VEPH1: variants seen among roughly 807,000 people sequenced by gnomAD.
The protein encoded by VEPH1 is ventricular zone-expressed PH domain-containing protein homolog 1.
A neutral mutation model predicts 85.2 loss-of-function variants in VEPH1; 80 were observed. That is an observed-to-expected ratio of 0.94 (90% CI 0.78 to 1.13). The LOEUF (loss-of-function observed/expected upper bound fraction) is 1.13, where lower values mean the gene tolerates loss of function less well. Among genes scored for constraint, VEPH1 ranks in the 50% most tolerant of loss-of-function variants. VEPH1 has a pLI of 0.00. For synonymous variants in VEPH1, 297 were observed against 348.0 expected (o/e 0.85, Z 1.63); for missense variants, 955 against 980.5 (o/e 0.97, Z 0.35).
intron 7 of VEPH1, 43 bp downstream of exon 7, chr3:157,381,113 G>A: frequency 6.3e-7 from 1 of 1,599,794 alleles, no homozygotes; most frequent in Non-Finnish European, 8.6e-7. Flanking sequence ...TACCCCCACA[G>A]GTGCACAGCA....
At chr3:157,457,289 A>G (rs1422083792) in intron 4 of VEPH1, among the ~76,000 whole-genome samples, 1 of 152,182 alleles carries the variant, frequency 6.6e-6, no homozygotes, top group East Asian at 1.9e-4. Flanking sequence ...GGTTGAGACT[A>G]TGGCATTTTC....
intron 9 of VEPH1, among the ~76,000 whole-genome samples, chr3:157,342,287 T>C (rs367611024): frequency 6.6e-6 from 1 of 152,128 alleles, no homozygotes. Context: ...GCACATCTCA[T>C]GTGCAGAGAC....
At chr3:157,300,240 C>G (rs1413111873) in intron 11 of VEPH1, among the ~76,000 whole-genome samples, 3 of 152,138 alleles carry the variant, frequency 2.0e-5, no homozygotes, top group Non-Finnish European at 4.4e-5. Context: ...AAGAACCCAA[C>G]CACTATTAGA....
chr3:157,401,477 C>T (rs977509691), intron 6 of VEPH1, among the ~76,000 whole-genome samples: 1 of 152,042 alleles, frequency 6.6e-6, no homozygotes, highest in African/African-American at 2.4e-5. Context: ...ATTTTCAAAA[C>T]AAATAGCCAG....
intron 6 of VEPH1, among the ~76,000 whole-genome samples, chr3:157,401,594 A>G (rs1272964686): frequency 1.3e-5 from 2 of 152,158 alleles, no homozygotes; most frequent in African/African-American, 2.4e-5. Context: ...GGAAAAATGC[A>G]TTTTGCAAAA....
In VEPH1 at chr3:157,319,474, G is replaced by A. The variant is rs553721027; in HGVS notation, c.1736-2273C>T. Among the ~76,000 whole-genome samples the A allele has an allele frequency of 4.6e-5, 7 of 152,016 alleles. 1 individual carries two copies. The highest frequency in any genetic ancestry group is 2.1e-4 in the South Asian group (1 of 4,826). On this transcript the variant is annotated intron_variant, in intron 9 of 13. Transcript: ENST00000362010. ...TTTTTTTAAGTTGGCACATATGCTC[G>A]GAAAAATTGAATTTAATTTATGGTA... is the stretch of plus-strand genomic sequence containing the variant.
rs539412334 is a variant in VEPH1, at chr3:157,289,004, T to G, written c.2011-2330A>C. ...TGTTCAATGGAAAAAAAGACTTTTTTTTTAAAAAGTATGTTTTCCAAGATA... is the reference window on the plus strand; with the variant it reads ...TGTTCAATGGAAAAAAAGACTTTTTGTTTAAAAAGTATGTTTTCCAAGATA... On this transcript the variant is annotated intron_variant, in intron 11 of 13. Coordinates refer to ENST00000362010, the MANE Select transcript of VEPH1 (RefSeq NM_001167912.2). 3.2e-3 allele frequency among the ~76,000 whole-genome samples: 486 copies of G among 152,310 alleles called. 1 individual carries two copies. Among genetic ancestry groups the G allele is most frequent in the African/African-American group, 0.011 (451 of 41,568 alleles).
chr3:157,333,879 G>A (rs1722720055), intron 9 of VEPH1, among the ~76,000 whole-genome samples: 1 of 152,120 alleles, frequency 6.6e-6, no homozygotes, highest in South Asian at 2.1e-4. Context: ...GGAAGGATAA[G>A]CCTAAGATCA....
chr3:157,389,978 T>A (rs900184798), intron 6 of VEPH1, among the ~76,000 whole-genome samples: 4 of 152,192 alleles, frequency 2.6e-5, no homozygotes, highest in East Asian at 1.9e-4. Flanking sequence ...CATTAGCAAA[T>A]TACTAATCAT....
At chr3:157,311,668 A>T (rs1720125676) in intron 11 of VEPH1, among the ~76,000 whole-genome samples, 1 of 152,226 alleles carries the variant, frequency 6.6e-6, no homozygotes, top group Non-Finnish European at 1.5e-5. Flanking sequence ...GTGAATAAGT[A>T]TACTTGTGAG....
At chr3:157,432,951 G>T (rs578032873) in intron 4 of VEPH1, among the ~76,000 whole-genome samples, 1 of 152,188 alleles carries the variant, frequency 6.6e-6, no homozygotes, top group South Asian at 2.1e-4. Flanking sequence ...TTTGTCTTAT[G>T]TTAAATTGTT....
At chr3:157,355,018 C>G (rs1725275902) in intron 9 of VEPH1, among the ~76,000 whole-genome samples, 1 of 152,132 alleles carries the variant, frequency 6.6e-6, no homozygotes, top group Non-Finnish European at 1.5e-5. Flanking sequence ...ACTTCCAGTC[C>G]CTGGAGTAGG....
intron 6 of VEPH1, among the ~76,000 whole-genome samples, chr3:157,403,124 TCTC>T (rs1212939369): frequency 6.6e-6 from 1 of 152,140 alleles, no homozygotes; most frequent in Non-Finnish European, 1.5e-5. Flanking sequence ...TTCCAATTAC[TCTC>T]CTCATATATT....
At chr3:157,368,642 C>T (rs569630032) in intron 7 of VEPH1, among the ~76,000 whole-genome samples, 28 of 152,166 alleles carry the variant, frequency 1.8e-4, no homozygotes, top group South Asian at 1.0e-3. Context: ...CAGGTGCCCG[C>T]CACCATGCCC....
chr3:157,366,712 G>A (rs918109374), intron 7 of VEPH1, among the ~76,000 whole-genome samples: 1 of 152,082 alleles, frequency 6.6e-6, no homozygotes, highest in Non-Finnish European at 1.5e-5. Flanking sequence ...TCCAGCCTGG[G>A]TGACAAGAGT....
At chr3:157,440,016 CTGGGA>C (rs1733998698) in intron 4 of VEPH1, among the ~76,000 whole-genome samples, 1 of 152,174 alleles carries the variant, frequency 6.6e-6, no homozygotes, top group Non-Finnish European at 1.5e-5. Flanking sequence ...TCCCAAAGTG[CTGGGA>C]TTACAGGTGT....
intron 9 of VEPH1, among the ~76,000 whole-genome samples, chr3:157,328,686 G>A (rs1263232770): frequency 1.3e-5 from 2 of 152,160 alleles, no homozygotes; most frequent in Non-Finnish European, 2.9e-5. Context: ...TGATGTACAT[G>A]TCGTTTTGAG....
chr3:157,359,634 A>G (rs764998697), intron 9 of VEPH1, among the ~76,000 whole-genome samples: 7 of 152,230 alleles, frequency 4.6e-5, no homozygotes, highest in Non-Finnish European at 7.3e-5. Context: ...ATGCAACAAT[A>G]GATGGCTGAC....
At chr3:157,477,698 C>T (rs1044884267) in intron 2 of VEPH1, among the ~76,000 whole-genome samples, 4 of 152,162 alleles carry the variant, frequency 2.6e-5, no homozygotes, top group African/African-American at 4.8e-5. Flanking sequence ...CCTCTGTCAT[C>T]AGTCACTCTA....
Sources: allele counts gnomAD v4.1 joint callset (sites outside exome capture counted in the v4.1 genomes callset), GRCh38; gene constraint gnomAD v4.1.1; transcripts MANE v1.5; gene names NCBI Gene and HGNC (gene_info 2026-07-23, HGNC 2026-07-21).